The following FREM3 variants were observed in gnomAD, a reference collection of about 807,000 sequenced individuals.
FREM3 encodes FRAS1-related extracellular matrix protein 3.
FREM3 carries 105 observed loss-of-function variants against 129.1 expected under a neutral mutation model. The ratio of observed to expected loss-of-function variants is 0.81; its 90% CI spans 0.69 to 0.96. The LOEUF (loss-of-function observed/expected upper bound fraction) is 0.96. Ranked by LOEUF, FREM3 falls within the 40% of genes least tolerant of loss-of-function variation. The probability of loss-of-function intolerance (pLI) is 0.00; values close to 1 mark genes in which losing one functional copy is unlikely to be tolerated. For synonymous variants in FREM3, 1,014 were observed against 1,044.9 expected, an observed-to-expected ratio of 0.97 and a Z score of 0.57; for missense variants, 2,593 against 2,666.3, an observed-to-expected ratio of 0.97 and a Z score of 0.61.
intron 6 of FREM3, among the ~76,000 whole-genome samples, chr4:143,603,817 A>C (rs1402990397): frequency 6.6e-6 from 1 of 152,134 alleles, no homozygotes; most frequent in Non-Finnish European, 1.5e-5. Flanking sequence ...CAGCCATAAA[A>C]TGTCATACCC....
chr4:143,645,104 C>T (rs1335991660), intron 2 of FREM3: 2 of 152,180 alleles, frequency 1.3e-5, no homozygotes, highest in South Asian at 2.1e-4. Context: ...GAGAGTCCAG[C>T]AGGACTGTGG....
At chr4:143,614,626 A>T (rs1179559705) in intron 5 of FREM3, among the ~76,000 whole-genome samples, 2 of 152,210 alleles carry the variant, frequency 1.3e-5, no homozygotes, top group Admixed American at 1.3e-4. Flanking sequence ...ATGAGGCATG[A>T]TGAATGACAG....
At chr4:143,595,889 G>GAAAAAA (rs70953742) in intron 6 of FREM3, among the ~76,000 whole-genome samples, 6 of 110,666 alleles carry the variant, frequency 5.4e-5, no homozygotes, top group African/African-American at 2.2e-4. Context: ...CGCCATCTCA[G>GAAAAAA]AAAAAAAAAA....
chr4:143,699,119 G>A lies in FREM3; in HGVS notation c.1557C>T (p.Phe519=). The A allele has an allele frequency of 6.5e-7, 1 of 1,537,450 alleles. No individual in the cohort carries two copies. The highest frequency in any genetic ancestry group is 8.7e-7 in the Non-Finnish European group (1 of 1,146,966). Residue 519 remains phenylalanine, a synonymous_variant, in exon 1 of 8, where the codon TTC becomes TTT. Coordinates refer to ENST00000329798, the MANE Select transcript of FREM3 (RefSeq NM_001168235.2). This position sits in a 1 kb window ranked among gnomAD's most constrained non-coding sequence, Gnocchi z 4.2. ...CTTGGTGGTGCCCGTCCTCCATCCGGAAGATGATATTGTCACTGTAGGTGT... is the reference window on the plus strand; with the variant it reads ...CTTGGTGGTGCCCGTCCTCCATCCGAAAGATGATATTGTCACTGTAGGTGT... ...GSNTYSDNII[F]RMEDGHHQVD...
intron 2 of FREM3, among the ~76,000 whole-genome samples, chr4:143,673,155 G>A (rs915013883): frequency 6.6e-6 from 1 of 152,210 alleles, no homozygotes; most frequent in South Asian, 2.1e-4. Flanking sequence ...TCCTTTGGAG[G>A]AGGAGAGGCT....
At chr4:143,635,627 G>T (rs2149844951) in intron 2 of FREM3, among the ~76,000 whole-genome samples, 1 of 152,160 alleles carries the variant, frequency 6.6e-6, no homozygotes, top group East Asian at 1.9e-4. Context: ...ACTGGTGTAG[G>T]TGAAATGAAA....
At chr4:143,673,029 G>A (rs1740029464) in intron 2 of FREM3, among the ~76,000 whole-genome samples, 1 of 152,086 alleles carries the variant, frequency 6.6e-6, no homozygotes, top group Non-Finnish European at 1.5e-5. Flanking sequence ...TCTTTGTGAT[G>A]GGTTCGAACT....
intron 2 of FREM3, among the ~76,000 whole-genome samples, chr4:143,674,033 C>G (rs1238501734): frequency 6.6e-6 from 1 of 152,260 alleles, no homozygotes; most frequent in Non-Finnish European, 1.5e-5. Context: ...TGACCCCTTG[C>G]ACTTCCTGGG....
Position 143,699,338 on chromosome 4 carries a change from A to G in FREM3, c.1338T>C (p.Gly446=), listed in dbSNP as rs1185519122. 14 of 1,537,340 alleles carry G rather than the reference A, an allele frequency of 9.1e-6. No individual in the cohort carries two copies. Among genetic ancestry groups the G allele is most frequent in the Non-Finnish European group, 1.0e-5 (12 of 1,146,934 alleles). Reference sequence around the variant, plus strand: ...GGGTGCTGGACAAGGGCCTTGACTGACCTTCAAAAAGCACAAGTCCCCTGT... The same window carrying G: ...GGGTGCTGGACAAGGGCCTTGACTGGCCTTCAAAAAGCACAAGTCCCCTGT... ...SHNRGLVLFE[G]QSRPLSSTHS... is the part of the protein sequence containing the mutation. Residue 446 remains glycine (G), a synonymous_variant, in exon 1 of 8, where the codon GGT becomes GGC. Coordinates refer to ENST00000329798, the MANE Select transcript of FREM3 (RefSeq NM_001168235.2). This position sits in a 1 kb window ranked among gnomAD's most constrained non-coding sequence, Gnocchi z 4.2.
At position 143,675,005 on chromosome 4, in the gene FREM3, T is replaced by C. The variant is rs753587562; in HGVS notation, c.5275+18108A>G. ...ACGAGAAAGAAAGTTAACAAGGATA[T>C]CCAGGAATTGAACTCAGCTCTGCAC... is the stretch of plus-strand genomic sequence containing the variant. On this transcript the variant is annotated intron_variant, in intron 2 of 7. Coordinates refer to ENST00000329798, the MANE Select transcript of FREM3 (RefSeq NM_001168235.2). Among the ~76,000 whole-genome samples the C allele has an allele frequency of 4.4e-4, 67 of 152,206 alleles. No homozygotes were observed. The Middle Eastern group carries it at 0.02, about 46-fold the overall frequency.
At chr4:143,693,021 T>C in intron 2 of FREM3, 92 bp downstream of exon 2, 1 of 545,452 alleles carries the variant, frequency 1.8e-6, no homozygotes, top group Non-Finnish European at 3.1e-6. Context: ...ACATGATGCC[T>C]ATACTTGCCC....
chr4:143,676,213 C>T lies in FREM3; in HGVS notation c.5275+16900G>A, dbSNP rs543119420. On this transcript the variant is annotated intron_variant, in intron 2 of 7. Coordinates refer to ENST00000329798, the MANE Select transcript of FREM3 (RefSeq NM_001168235.2). Reference sequence around the variant, plus strand: ...CCACCATGATCAAGTGGGCTTCATCCCTGGGATGCAAGGCTGGTTCAACAT... The same window carrying T: ...CCACCATGATCAAGTGGGCTTCATCTCTGGGATGCAAGGCTGGTTCAACAT... Among the ~76,000 whole-genome samples, 1,075 of 152,132 alleles carry T rather than the reference C, an allele frequency of 7.1e-3. 3 individuals are homozygous for T. Among genetic ancestry groups the T allele is most frequent in the Non-Finnish European group, 0.011 (754 of 67,948 alleles).
intron 7 of FREM3, among the ~76,000 whole-genome samples, chr4:143,579,388 T>C (rs1360071791): frequency 2.6e-5 from 4 of 152,214 alleles, no homozygotes; most frequent in South Asian, 2.1e-4. Flanking sequence ...GGGAAGCAGA[T>C]ATTTCAGTAA....
chr4:143,647,744 T>C (rs771913735), intron 2 of FREM3, among the ~76,000 whole-genome samples: 1 of 152,162 alleles, frequency 6.6e-6, no homozygotes, highest in Non-Finnish European at 1.5e-5. Flanking sequence ...TGTATGGAAG[T>C]GCCTGGATGT....
rs570804004 is a variant in FREM3 at position 143,643,514 on chromosome 4, A to C, written c.5276-15754T>G. 3.0e-4 allele frequency among the ~76,000 whole-genome samples: 45 copies of C among 152,284 alleles called. 2 individuals carry two copies. In the South Asian group the frequency reaches 9.3e-3, roughly 32 times the overall value. On this transcript the variant is annotated intron_variant, in intron 2 of 7. Coordinates refer to ENST00000329798, the MANE Select transcript of FREM3 (RefSeq NM_001168235.2). ...TTTAAATCATGTTGTTTACAACAAC[A>C]TGAATGAACCTGGGAGACTTCATGT...
chr4:143,699,427 C>A lies in FREM3; in HGVS notation c.1249G>T (p.Asp417Tyr). ...ACTGTCACCATGAAGGCAAAGGGGT[C>A]TGAGGCGGCGCCGTCTCCGTCCACC... Reference protein sequence around the residue: ...EVVDGDGAASDPFAFMVTVKS... With the variant: ...EVVDGDGAASYPFAFMVTVKS... Residue 417 changes from aspartate (D) to tyrosine (Y), a missense_variant, in exon 1 of 8, where the codon GAC becomes TAC. By Grantham distance (160) the Asp-to-Tyr change is radical (BLOSUM62 -3). Coordinates refer to ENST00000329798, the MANE Select transcript of FREM3 (RefSeq NM_001168235.2). This position sits in a 1 kb window ranked among gnomAD's most constrained non-coding sequence, Gnocchi z 4.2. 6.5e-7 allele frequency: 1 copy of A among 1,537,324 alleles called. No homozygotes were observed. Among genetic ancestry groups the A allele is most frequent in the Non-Finnish European group, 8.7e-7 (1 of 1,146,924 alleles).
At position 143,627,692 on chromosome 4, in the gene FREM3, A is replaced by G. The variant is rs752603908; in HGVS notation, c.5344T>C (p.Tyr1782His). The G allele has an allele frequency of 2.0e-6, 3 of 1,532,794 alleles. No individual in the cohort carries two copies. The highest frequency in any genetic ancestry group is 2.6e-6 in the Non-Finnish European group (3 of 1,142,876). 94.9% of individuals were successfully genotyped at this position (1,532,794 alleles called of 1,614,324 possible). A position where few individuals can be genotyped will look rare whatever the true frequency, so the allele number is the denominator to read the frequency against. ...AATGTGGAATCTTCATCCACAATGTAGTACTCTTTCTCCAAACAAATCCAA... is the reference window on the plus strand; with the variant it reads ...AATGTGGAATCTTCATCCACAATGTGGTACTCTTTCTCCAAACAAATCCAA... ...WAWICLEKEY[Y>H]IVDEDSTFLE... is the part of the protein sequence containing the mutation. Residue 1782 changes from tyrosine (Y) to histidine (H), a missense_variant, in exon 3 of 8, where the codon TAC becomes CAC. Physicochemically the swap from Tyr to His is moderately conservative, Grantham distance 83 (BLOSUM62 2). This residue lies in a region of FREM3 where 2,276 missense variants were observed against 2,267.2 expected (regional missense o/e 1.00). Coordinates refer to ENST00000329798, the MANE Select transcript of FREM3 (RefSeq NM_001168235.2).
chr4:143,605,335 TA>T (rs1363730644), intron 6 of FREM3, among the ~76,000 whole-genome samples: 3 of 152,018 alleles, frequency 2.0e-5, no homozygotes, highest in African/African-American at 4.8e-5. Flanking sequence ...AAATAGATAT[TA>T]AGGCTTTTAC....
intron 2 of FREM3, among the ~76,000 whole-genome samples, chr4:143,672,059 G>A (rs1299555375): frequency 6.6e-6 from 1 of 152,202 alleles, no homozygotes; most frequent in African/African-American, 2.4e-5. Flanking sequence ...GCAGAGTGAT[G>A]TTTGGCATTC....
Sources: gnomAD v4.1 joint callset for allele counts (sites outside exome capture counted in the v4.1 genomes callset) on GRCh38, gnomAD v4.1.1 for gene constraint, gnomAD v4.1.1 regional missense constraint, Gnocchi (gnomAD v3.1) non-coding constraint, MANE v1.5 for transcripts, NCBI Gene and HGNC (gene_info 2026-07-23, HGNC 2026-07-21) for gene names.